Variants in RPA3 observed in about 807,000 individuals in gnomAD.
The protein encoded by RPA3 is replication protein A 14 kDa subunit.
In RPA3, 24 loss-of-function variants were observed where a neutral mutation model predicts 13.7. The observed-to-expected ratio is 1.75, with a 90% CI of 1.27 to 2.46. RPA3 has a LOEUF of 2.46. Among genes scored for constraint, RPA3 ranks in the 30% most tolerant of loss-of-function variants. The pLI, the probability that RPA3 is intolerant of heterozygous loss-of-function variation, is 0.00. For missense variants in RPA3, 183 were observed against 151.0 expected (o/e 1.21, Z -1.11); for synonymous variants, 59 against 51.2 (o/e 1.15, Z -0.65).
intron 2 of RPA3, among the ~76,000 whole-genome samples, chr7:7,707,462 T>C (rs193092942): frequency 1.3e-5 from 2 of 152,332 alleles, no homozygotes; most frequent in African/African-American, 4.8e-5. Context: ...ATGTTGAACG[T>C]ATGTTCCATT....
chr7:7,717,484 G>A (rs778541982), intron 1 of RPA3, among the ~76,000 whole-genome samples: 21 of 152,166 alleles, frequency 1.4e-4, no homozygotes, highest in Non-Finnish European at 2.6e-4. Context: ...TACTTCAGAA[G>A]TATTTACTTT....
intron 4 of RPA3, among the ~76,000 whole-genome samples, chr7:7,679,806 C>T (rs1779862654): frequency 6.6e-6 from 1 of 150,744 alleles, no homozygotes; most frequent in Non-Finnish European, 1.5e-5. Flanking sequence ...CTCAAGCCAT[C>T]TTCCTGCCTC....
chr7:7,702,785 T>TTTG lies in RPA3; in HGVS notation c.-1028+12387_-1028+12389dup, dbSNP rs148600831. ...ACTCCATCTGCCAGTGGCCTGGGTT[T>TTTG]TTGTTGTTGTTGTTGTTGTTGTTTT... On this transcript the variant is annotated intron_variant, in intron 2 of 7. Coordinates refer to ENST00000223129, the MANE Select transcript of RPA3 (RefSeq NM_002947.5). 1.9e-3 allele frequency among the ~76,000 whole-genome samples: 280 copies of TTTG among 150,462 alleles called. 2 individuals are homozygous for TTTG. Among genetic ancestry groups the TTTG allele is most frequent in the African/African-American group, 5.7e-3 (237 of 41,404 alleles).
At chr7:7,647,953 C>A (rs950187874) in intron 4 of RPA3, among the ~76,000 whole-genome samples, 5 of 152,108 alleles carry the variant, frequency 3.3e-5, no homozygotes, top group Admixed American at 6.6e-5. Flanking sequence ...ATAGACGTGC[C>A]AGCTGTGTTT....
intron 3 of RPA3, 79 bp downstream of exon 3, chr7:7,687,149 T>G (rs568965435): frequency 6.6e-6 from 1 of 152,366 alleles, no homozygotes; most frequent in East Asian, 1.9e-4. Flanking sequence ...ATACAGGTAC[T>G]GAACTGGAAA....
intron 4 of RPA3, among the ~76,000 whole-genome samples, chr7:7,657,549 A>G (rs4725012): frequency 0.36 from 55,447 of 151,966 alleles, 10,920 homozygotes; most frequent in East Asian, 0.8. Context: ...AGTTTTCCCA[A>G]CAGCATTTAT....
intron 4 of RPA3, among the ~76,000 whole-genome samples, chr7:7,653,923 A>G (rs929792180): frequency 2.0e-5 from 3 of 152,230 alleles, no homozygotes; most frequent in Non-Finnish European, 4.4e-5. Context: ...ACAAAGAATT[A>G]CCTGATCCCA....
At chr7:7,688,949 A>C (rs1780105266) in intron 2 of RPA3, among the ~76,000 whole-genome samples, 1 of 152,154 alleles carries the variant, frequency 6.6e-6, no homozygotes, top group Non-Finnish European at 1.5e-5. Context: ...TATTACTTGG[A>C]TTTAAATTAT....
Position 7,641,175 on chromosome 7 carries a change from C to G in RPA3, c.-757G>C, listed in dbSNP as rs1411535723. ...CACTCTACTTTCTCCACTTTCTCCACCTGTAAGAAGAGAGATTGATCCGAT... is the reference window on the plus strand; with the variant it reads ...CACTCTACTTTCTCCACTTTCTCCAGCTGTAAGAAGAGAGATTGATCCGAT... On this transcript the variant is annotated splice_region_variant and 5_prime_UTR_variant, in exon 5 of 8. Transcript: ENST00000223129. 2.0e-5 allele frequency: 3 copies of G among 152,298 alleles called. No homozygotes were observed. Among genetic ancestry groups the G allele is most frequent in the Admixed American group, 1.3e-4 (2 of 15,278 alleles). 9.4% of individuals were successfully genotyped at this position (152,298 alleles called of 1,614,324 possible).
At chr7:7,696,271 G>T (rs1780314348) in intron 2 of RPA3, among the ~76,000 whole-genome samples, 1 of 150,462 alleles carries the variant, frequency 6.6e-6, no homozygotes, top group African/African-American at 2.4e-5. Context: ...CACTCTTTTA[G>T]CCAAAGTTGG....
chr7:7,658,791 G>C (rs545053031), intron 4 of RPA3, among the ~76,000 whole-genome samples: 190 of 151,362 alleles, frequency 1.3e-3, no homozygotes, highest in Non-Finnish European at 2.0e-3. Flanking sequence ...TTGTATCTCT[G>C]CCTGGTGTCG....
At chr7:7,680,834 T>C (rs1390340460) in intron 4 of RPA3, among the ~76,000 whole-genome samples, 1 of 152,160 alleles carries the variant, frequency 6.6e-6, no homozygotes, top group Non-Finnish European at 1.5e-5. Flanking sequence ...TTGGTTTCTT[T>C]TTCAAATTGT....
intron 2 of RPA3, among the ~76,000 whole-genome samples, chr7:7,694,657 G>A (rs1440961028): frequency 6.6e-6 from 1 of 151,716 alleles, no homozygotes; most frequent in Admixed American, 6.6e-5. Flanking sequence ...CTCTCTGCCT[G>A]ACTTATTTCA....
chr7:7,667,056 G>A (rs1283394637), intron 4 of RPA3, among the ~76,000 whole-genome samples: 4 of 152,138 alleles, frequency 2.6e-5, no homozygotes, highest in African/African-American at 9.7e-5. Context: ...TGATCCACCC[G>A]CCTTGGCCCC....
chr7:7,693,075 G>T (rs981782676), intron 2 of RPA3, among the ~76,000 whole-genome samples: 3 of 151,918 alleles, frequency 2.0e-5, no homozygotes, highest in African/African-American at 7.3e-5. Context: ...TCATTATTCT[G>T]TAATGAACAA....
chr7:7,651,189 A>C (rs1785216141), intron 4 of RPA3, among the ~76,000 whole-genome samples: 1 of 152,254 alleles, frequency 6.6e-6, no homozygotes. Flanking sequence ...AATCAATAAA[A>C]GATTTCAAAA....
At chr7:7,662,536 C>G (rs891090937) in intron 4 of RPA3, among the ~76,000 whole-genome samples, 9 of 152,206 alleles carry the variant, frequency 5.9e-5, no homozygotes, top group Non-Finnish European at 1.3e-4. Flanking sequence ...CCTCACCGCA[C>G]AGTCCCTCAA....
At chr7:7,660,188 G>C (rs1270876784) in intron 4 of RPA3, among the ~76,000 whole-genome samples, 2 of 152,168 alleles carry the variant, frequency 1.3e-5, no homozygotes, top group Non-Finnish European at 2.9e-5. Flanking sequence ...TTGAGCCTAT[G>C]TGTGTCTTTG....
chr7:7,661,006 ATTGTTTTTTTTTTGTT>A (rs1253134368), intron 4 of RPA3, among the ~76,000 whole-genome samples: 2 of 37,524 alleles, frequency 5.3e-5, no homozygotes, highest in Non-Finnish European at 8.9e-5. Context: ...ATTCCTTTTG[ATTGTTTTTTTTTTGTT>A]TTGTTTTCTA....
Sources: gnomAD v4.1 joint callset for allele counts (sites outside exome capture counted in the v4.1 genomes callset) on GRCh38, gnomAD v4.1.1 for gene constraint, MANE v1.5 for transcripts, NCBI Gene and HGNC (gene_info 2026-07-23, HGNC 2026-07-21) for gene names.